TPP2: variants seen among roughly 807,000 people sequenced by gnomAD.
TPP2 encodes tripeptidyl-peptidase 2.
TPP2 carries 34 observed loss-of-function variants against 155.9 expected under a neutral mutation model. The observed-to-expected ratio is 0.22, with a 90% confidence interval of 0.17 to 0.29. TPP2 has a LOEUF of 0.29. Ranked by LOEUF, TPP2 falls within the 10% of genes least tolerant of loss-of-function variation. TPP2 has a pLI of 1.00. For missense variants in TPP2, 1,028 were observed against 1,522.3 expected (o/e 0.68, Z 5.40); for synonymous variants, 510 against 529.4 (o/e 0.96, Z 0.50).
Position 102,647,271 on chromosome 13 carries a change from T to A in TPP2, c.2555T>A (p.Phe852Tyr). ...LLCELLYESEFDSQLWIIFDQ... is the reference protein window; with the variant it reads ...LLCELLYESEYDSQLWIIFDQ... ...TGTGAACTATTATATGAATCTGAAT[T>A]TGACAGCCAACTGTGGATTATTTTT... Residue 852 changes from phenylalanine to tyrosine, a missense_variant, in exon 21 of 30, where the codon TTT (phenylalanine) becomes TAT (tyrosine). Coordinates refer to ENST00000376052, the MANE Select transcript of TPP2 (RefSeq NM_001330588.2). 1 of 1,613,890 alleles carries A rather than the reference T, an allele frequency of 6.2e-7. No homozygotes were observed. The highest frequency in any genetic ancestry group is 8.5e-7 in the Non-Finnish European group (1 of 1,179,950).
At chr13:102,640,419 C>A in intron 16 of TPP2, 43 bp downstream of exon 16, 1 of 1,469,510 alleles carries the variant, frequency 6.8e-7, no homozygotes, top group Non-Finnish European at 9.5e-7. Flanking sequence ...TCTCTGTTTA[C>A]GTTCTAATGA....
At chr13:102,649,208 A>G (rs763139342) in intron 22 of TPP2, 57 bp downstream of exon 22, 12 of 1,528,848 alleles carry the variant, frequency 7.8e-6, no homozygotes, top group Non-Finnish European at 9.6e-6. Flanking sequence ...AGTCCTTTTA[A>G]TGTCAGTTTA....
intron 25 of TPP2, 125 bp from the exon 26 acceptor site, chr13:102,663,523 C>T: frequency 1.6e-6 from 1 of 639,022 alleles, no homozygotes; most frequent in African/African-American, 1.9e-5. Context: ...AATGACTATA[C>T]TTGTATTTCA....
At chr13:102,640,128 C>T (rs1034370401) in intron 15 of TPP2, 142 bp from the exon 16 acceptor site, 3 of 612,076 alleles carry the variant, frequency 4.9e-6, no homozygotes, top group Admixed American at 3.0e-5. Context: ...TGAACAATAT[C>T]GTACCTACTG....
chr13:102,654,071 C>T (rs1883685172), intron 24 of TPP2, among the ~76,000 whole-genome samples: 1 of 152,054 alleles, frequency 6.6e-6, no homozygotes, highest in African/African-American at 2.4e-5. Flanking sequence ...CAAGATTTCT[C>T]AAGAATAAAG....
At chr13:102,657,479 A>C (rs17592002) in intron 25 of TPP2, among the ~76,000 whole-genome samples, 46,902 of 151,804 alleles carry the variant, frequency 0.31, 7,554 homozygotes, top group Non-Finnish European at 0.37. Flanking sequence ...AAAAAAGAAA[A>C]ATCACTTTTG....
At chr13:102,600,501 C>T (rs181526920) in intron 1 of TPP2, among the ~76,000 whole-genome samples, 1 of 150,822 alleles carries the variant, frequency 6.6e-6, no homozygotes, top group African/African-American at 2.4e-5. Context: ...GGCTTTTTGT[C>T]TCTTTGCTGT....
chr13:102,658,143 TTATTC>T (rs1883978263), intron 25 of TPP2, among the ~76,000 whole-genome samples: 1 of 152,232 alleles, frequency 6.6e-6, no homozygotes, highest in South Asian at 2.1e-4. Flanking sequence ...TACTTGAAAT[TTATTC>T]TATGTAGTCA....
intron 20 of TPP2, among the ~76,000 whole-genome samples, chr13:102,646,640 A>G (rs995326585): frequency 2.0e-5 from 3 of 152,200 alleles, no homozygotes; most frequent in African/African-American, 7.2e-5. Flanking sequence ...ATCACTGATC[A>G]CTGTCCATTG....
intron 10 of TPP2, among the ~76,000 whole-genome samples, chr13:102,630,482 A>G (rs1881947340): frequency 6.6e-6 from 1 of 152,168 alleles, no homozygotes. Context: ...GGACTTGGAT[A>G]TCTTTATATA....
chr13:102,614,874 G>A (rs1428682575), intron 3 of TPP2, among the ~76,000 whole-genome samples: 5 of 150,634 alleles, frequency 3.3e-5, no homozygotes, highest in Admixed American at 2.0e-4. Flanking sequence ...TAGTGTGACT[G>A]ACGAATTGAA....
At position 102,674,280 on chromosome 13, in the gene TPP2, C is replaced by T; in HGVS notation, c.3372-3C>T. On this transcript the variant is annotated splice_region_variant and splice_polypyrimidine_tract_variant and intron_variant, in intron 27 of 29. Transcript: ENST00000376052. ...CTGAAATATTTTTTAATTTGCTGTA[C>T]AGTGACATGGACAAACAAAAATCCA... 3.1e-6 allele frequency: 5 copies of T among 1,612,978 alleles called. No individual in the cohort carries two copies. The highest frequency in any genetic ancestry group is 1.7e-4 in the Middle Eastern group (1 of 6,048).
At chr13:102,666,692 A>G (rs2139598349) in intron 27 of TPP2, among the ~76,000 whole-genome samples, 1 of 150,218 alleles carries the variant, frequency 6.7e-6, no homozygotes, top group Admixed American at 6.6e-5. Context: ...ACTCAATCTC[A>G]GCTTACAGTG....
intron 25 of TPP2, among the ~76,000 whole-genome samples, chr13:102,662,013 G>A (rs569449832): frequency 8.5e-5 from 13 of 152,256 alleles, no homozygotes; most frequent in African/African-American, 2.9e-4. Context: ...GCCAAAAGGT[G>A]GAATGTCCAT....
rs1436305098 is a variant in TPP2 at position 102,679,322 on chromosome 13, G to A, written c.*1006G>A. On this transcript the variant is annotated 3_prime_UTR_variant, in exon 30 of 30. Coordinates refer to ENST00000376052, the MANE Select transcript of TPP2 (RefSeq NM_001330588.2). ...TTATTTGAATGTATTTCCAGTTCTT[G>A]TATGATTAACTTTTGTGCATATCTA... The A allele has an allele frequency of 5.3e-5, 8 of 152,236 alleles. No homozygotes were observed. In the East Asian group the frequency reaches 1.5e-3, roughly 29 times the overall value. The allele number at this position is 152,236 out of a possible 1,614,324, so 9.4% of individuals were successfully genotyped here.
intron 15 of TPP2, 145 bp from the exon 16 acceptor site, chr13:102,640,125 T>G (rs1262902201): frequency 3.3e-6 from 2 of 603,608 alleles, no homozygotes; most frequent in Non-Finnish European, 5.5e-6. Flanking sequence ...AATTGAACAA[T>G]ATCGTACCTA....
chr13:102,671,329 G>C (rs1189453953), intron 27 of TPP2, among the ~76,000 whole-genome samples: 4 of 152,114 alleles, frequency 2.6e-5, no homozygotes. Context: ...GAGGAAAATG[G>C]GCAAATTCCA....
intron 25 of TPP2, 105 bp from the exon 26 acceptor site, chr13:102,663,543 C>G: frequency 1.4e-6 from 1 of 729,260 alleles, no homozygotes; most frequent in Non-Finnish European, 2.1e-6. Flanking sequence ...AAATTAATGT[C>G]TTATTTTATT....
intron 18 of TPP2, 88 bp downstream of exon 18, chr13:102,644,761 G>A: frequency 1.4e-6 from 2 of 1,424,388 alleles, no homozygotes; most frequent in South Asian, 2.6e-5. Flanking sequence ...AAACTTTAAT[G>A]AGGGGAAATT....
Sources: allele counts gnomAD v4.1 joint callset (sites outside exome capture counted in the v4.1 genomes callset), GRCh38; gene constraint gnomAD v4.1.1; transcripts MANE v1.5; gene names NCBI Gene and HGNC (gene_info 2026-07-23, HGNC 2026-07-21).